Variants in RAD51B observed in about 807,000 individuals in gnomAD.
The protein encoded by RAD51B is RAD51 paralog B.
Under a neutral mutation model 42.2 loss-of-function variants are expected in RAD51B, and 38 were observed. That is an observed-to-expected ratio of 0.90 (90% CI 0.70 to 1.18). The LOEUF is 1.18. Ranked by LOEUF, RAD51B falls within the 50% of genes most tolerant of loss-of-function variation. RAD51B has a pLI of 0.00. For synonymous variants in RAD51B, 154 were observed against 145.2 expected, an observed-to-expected ratio of 1.06 and a Z score of -0.43; for missense variants, 373 against 400.7, an observed-to-expected ratio of 0.93 and a Z score of 0.59.
intron 7 of RAD51B, among the ~76,000 whole-genome samples, chr14:68,280,662 A>T (rs545381308): frequency 7.9e-5 from 12 of 152,344 alleles, no homozygotes; most frequent in African/African-American, 2.6e-4. Context: ...GAGATGTAGA[A>T]ACACATAAAA....
At chr14:68,259,368 G>T (rs7148625) in intron 7 of RAD51B, among the ~76,000 whole-genome samples, 5 of 151,744 alleles carry the variant, frequency 3.3e-5, no homozygotes, top group African/African-American at 1.2e-4. Flanking sequence ...GAGTTAATGG[G>T]TGCAGCATAC....
At chr14:68,340,354 A>C (rs528961688) in intron 8 of RAD51B, among the ~76,000 whole-genome samples, 1 of 152,350 alleles carries the variant, frequency 6.6e-6, no homozygotes, top group Non-Finnish European at 1.5e-5. Context: ...TGAAATAAAC[A>C]GCCAGCCTTT....
chr14:68,371,730 A>C (rs1456365454), intron 8 of RAD51B, among the ~76,000 whole-genome samples: 1 of 152,220 alleles, frequency 6.6e-6, no homozygotes, highest in African/African-American at 2.4e-5. Flanking sequence ...GTGCACCTGT[A>C]GTCCCAGCTA....
At chr14:68,594,527 C>T in exon 11 of RAD51B, 15 of 1,355,800 alleles carry the variant, frequency 1.1e-5, no homozygotes, top group Non-Finnish European at 1.5e-5. Flanking sequence ...CTGAACTGGG[C>T]TCCAGAAATC....
intron 7 of RAD51B, among the ~76,000 whole-genome samples, chr14:68,123,676 C>T (rs886077280): frequency 3.3e-5 from 5 of 151,936 alleles, no homozygotes; most frequent in African/African-American, 7.3e-5. Flanking sequence ...GGCATGGTGG[C>T]GCACACCTGT....
chr14:67,973,247 G>A (rs945551453), intron 7 of RAD51B, among the ~76,000 whole-genome samples: 4 of 152,062 alleles, frequency 2.6e-5, no homozygotes. Flanking sequence ...CTTTGACCTT[G>A]TAGGTAAATA....
At chr14:68,616,132 C>T (rs1307845846), downstream of RAD51B, among the ~76,000 whole-genome samples, 6 of 152,150 alleles carry the variant, frequency 3.9e-5, no homozygotes, top group African/African-American at 1.4e-4. Flanking sequence ...ATGAACTCTA[C>T]AGTACTTTAT....
chr14:68,658,488 A>G (rs1215759111), intron 11 of RAD51B, among the ~76,000 whole-genome samples: 1 of 152,244 alleles, frequency 6.6e-6, no homozygotes, highest in African/African-American at 2.4e-5. Context: ...AACAGCCGTC[A>G]TAGTGCCAAG....
At chr14:67,946,012 C>T (rs1426241348) in intron 7 of RAD51B, among the ~76,000 whole-genome samples, 2 of 152,088 alleles carry the variant, frequency 1.3e-5, no homozygotes, top group Non-Finnish European at 1.5e-5. Flanking sequence ...AGATAACTGT[C>T]TTCTCAAATA....
At chr14:68,029,085 A>C (rs531582087) in intron 7 of RAD51B, among the ~76,000 whole-genome samples, 4 of 152,360 alleles carry the variant, frequency 2.6e-5, no homozygotes, top group African/African-American at 9.6e-5. Flanking sequence ...GGAGCTGTTC[A>C]GGGCTGGGAA....
intron 10 of RAD51B, among the ~76,000 whole-genome samples, chr14:68,643,248 C>T (rs1463456827): frequency 6.6e-6 from 1 of 152,206 alleles, no homozygotes. Context: ...AACCCTAAAT[C>T]ATTATGGGAT....
At chr14:68,137,607 T>C (rs1311397418) in intron 7 of RAD51B, among the ~76,000 whole-genome samples, 2 of 152,222 alleles carry the variant, frequency 1.3e-5, no homozygotes, top group African/African-American at 4.8e-5. Flanking sequence ...AACAATATTA[T>C]GATGAACATC....
intron 9 of RAD51B, among the ~76,000 whole-genome samples, chr14:68,438,540 A>G (rs997125795): frequency 1.3e-5 from 2 of 152,164 alleles, no homozygotes; most frequent in Non-Finnish European, 2.9e-5. Context: ...GACTGCCATC[A>G]AGAATTAGGT....
At chr14:67,870,760 C>G (rs2042499293) in intron 5 of RAD51B, among the ~76,000 whole-genome samples, 1 of 114,548 alleles carries the variant, frequency 8.7e-6, no homozygotes. Flanking sequence ...TGCAATCAAA[C>G]TAGAACTCAG....
At chr14:68,018,410 G>A (rs79623674) in intron 7 of RAD51B, among the ~76,000 whole-genome samples, 1 of 152,106 alleles carries the variant, frequency 6.6e-6, no homozygotes, top group Non-Finnish European at 1.5e-5. Context: ...CTTTTTAAAG[G>A]TACTAATTTA....
chr14:68,184,316 AC>A (rs1242009377), intron 7 of RAD51B, among the ~76,000 whole-genome samples: 1 of 151,780 alleles, frequency 6.6e-6, no homozygotes, highest in Non-Finnish European at 1.5e-5. Flanking sequence ...GCTCACTACA[AC>A]CTCTGCCTCC....
At chr14:67,833,068 A>G (rs767987609) in intron 3 of RAD51B, among the ~76,000 whole-genome samples, 7 of 152,134 alleles carry the variant, frequency 4.6e-5, no homozygotes, top group Non-Finnish European at 7.4e-5. Context: ...CAAACACAAC[A>G]CCAAGGATAA....
intron 7 of RAD51B, among the ~76,000 whole-genome samples, chr14:67,941,553 T>C (rs1428415642): frequency 6.6e-6 from 1 of 152,184 alleles, no homozygotes; most frequent in Non-Finnish European, 1.5e-5. Flanking sequence ...TGTGAGACTG[T>C]CCCTATTTCT....
chr14:67,874,337 C>T (rs748285968), intron 5 of RAD51B, among the ~76,000 whole-genome samples: 3 of 152,124 alleles, frequency 2.0e-5, no homozygotes, highest in Non-Finnish European at 4.4e-5. Context: ...ACCCACAGCC[C>T]GTGGGCCGCA....
Sources: allele counts gnomAD v4.1 joint callset (sites outside exome capture counted in the v4.1 genomes callset), GRCh38; gene constraint gnomAD v4.1.1; transcripts MANE v1.5; gene names NCBI Gene and HGNC (gene_info 2026-07-23, HGNC 2026-07-21).